The following SENP6 variants were observed in gnomAD, a reference collection of about 807,000 sequenced individuals.
The protein encoded by SENP6 is sentrin-specific protease 6.
SENP6 carries 41 observed loss-of-function variants against 134.5 expected under a neutral mutation model. That is an observed-to-expected ratio of 0.30 (90% confidence interval 0.24 to 0.40). SENP6 has a LOEUF of 0.40. SENP6 is among the 10% of genes least tolerant of loss of function. The pLI, the probability that SENP6 is intolerant of heterozygous loss-of-function variation, is 1.00. For missense variants in SENP6, 1,248 were observed against 1,312.5 expected (o/e 0.95, Z 0.76); for synonymous variants, 395 against 429.8 (o/e 0.92, Z 1.00).
chr6:75,667,935 G>A (rs907526363), intron 10 of SENP6, among the ~76,000 whole-genome samples: 3 of 152,138 alleles, frequency 2.0e-5, no homozygotes, highest in Non-Finnish European at 4.4e-5. Context: ...AAGGAAATAT[G>A]TGTATATTAC....
chr6:75,692,308 C>T (rs904668101), intron 16 of SENP6, among the ~76,000 whole-genome samples: 22 of 152,064 alleles, frequency 1.4e-4, no homozygotes, highest in African/African-American at 4.3e-4. Flanking sequence ...ATCAGAAAAA[C>T]GAAACTAGTT....
chr6:75,707,778 G>T lies in SENP6; in HGVS notation c.2717-1749G>T, dbSNP rs554507253. Among the ~76,000 whole-genome samples the T allele has an allele frequency of 1.4e-4, 21 of 152,162 alleles. No homozygotes were observed. The South Asian group carries it at 2.9e-3, about 21-fold the overall frequency. On this transcript the variant is annotated intron_variant, in intron 19 of 23. Coordinates refer to ENST00000447266, the MANE Select transcript of SENP6 (RefSeq NM_015571.4). ...GTTCACCGCAGTCTCAACCTCCCAG[G>T]CTCAAGTGATCCTCCCACCTCAGCT...
chr6:75,637,257 T>A (rs1453212085), intron 5 of SENP6, among the ~76,000 whole-genome samples: 3 of 152,180 alleles, frequency 2.0e-5, no homozygotes, highest in African/African-American at 7.2e-5. Context: ...GTGAGTGGTA[T>A]ATCTTGTCTT....
At chr6:75,660,512 G>A (rs145715623) in intron 8 of SENP6, among the ~76,000 whole-genome samples, 7 of 152,228 alleles carry the variant, frequency 4.6e-5, no homozygotes, top group African/African-American at 1.7e-4. Context: ...CAGATTCCAT[G>A]TGAGTCCCTT....
Position 75,633,569 on chromosome 6 carries a change from C to CT in SENP6, c.208-5dup, listed in dbSNP as rs1423360502. 4.4e-6 allele frequency: 7 copies of CT among 1,578,070 alleles called. No homozygotes were observed. The highest frequency in any genetic ancestry group is 2.3e-5 in the East Asian group (1 of 44,040). On this transcript the variant is annotated splice_polypyrimidine_tract_variant and intron_variant, in intron 3 of 23. Transcript: ENST00000447266. ...GCATTTTTGACTCATATTTCTGGAT[C>CT]TTTTTTTACAGTTAAATCGTCGATC... is the stretch of plus-strand genomic sequence containing the variant.
intron 3 of SENP6, among the ~76,000 whole-genome samples, chr6:75,630,860 TC>T (rs1769058763): frequency 1.3e-5 from 2 of 150,580 alleles, no homozygotes; most frequent in Admixed American, 1.3e-4. Context: ...AAAAAAAAAA[TC>T]CGTAACCTAT....
intron 10 of SENP6, among the ~76,000 whole-genome samples, chr6:75,668,066 A>T (rs931313783): frequency 6.6e-6 from 1 of 152,226 alleles, no homozygotes; most frequent in Non-Finnish European, 1.5e-5. Flanking sequence ...ATACTTGGTT[A>T]TTAAGATGGG....
At chr6:75,658,730 C>T (rs897864469) in intron 7 of SENP6, among the ~76,000 whole-genome samples, 2 of 151,774 alleles carry the variant, frequency 1.3e-5, no homozygotes, top group African/African-American at 4.8e-5. Context: ...AGATTTTTCT[C>T]ATTACTACTC....
Position 75,695,807 on chromosome 6 carries a change from C to T in SENP6, c.2079C>T (p.Tyr693=). The T allele has an allele frequency of 6.3e-7, 1 of 1,577,488 alleles. No homozygotes were observed. The highest frequency in any genetic ancestry group is 2.3e-5 in the East Asian group (1 of 44,418). ...TGAATTATTTTCTATCAAATAGATA[C>T]TTGGTGCTTGAAAAACTGAAGAAGG... The part of the protein sequence containing the change: ...NDVIIDFYLK[Y]LVLEKLKKED... Residue 693 remains tyrosine, a synonymous_variant, in exon 17 of 24, where the codon TAC becomes TAT. Coordinates refer to ENST00000447266, the MANE Select transcript of SENP6 (RefSeq NM_015571.4).
intron 9 of SENP6, among the ~76,000 whole-genome samples, chr6:75,664,617 T>C (rs932750122): frequency 6.6e-6 from 1 of 152,180 alleles, no homozygotes; most frequent in African/African-American, 2.4e-5. Context: ...TGTTAGGTTT[T>C]CTGCTAATAA....
intron 16 of SENP6, among the ~76,000 whole-genome samples, chr6:75,680,943 A>C (rs947821205): frequency 2.6e-5 from 4 of 152,220 alleles, no homozygotes; most frequent in Non-Finnish European, 5.9e-5. Flanking sequence ...GCCAGCAAAA[A>C]CAAAAACCAT....
At chr6:75,653,162 C>T (rs898076951) in intron 7 of SENP6, among the ~76,000 whole-genome samples, 2 of 152,192 alleles carry the variant, frequency 1.3e-5, no homozygotes, top group Non-Finnish European at 2.9e-5. Flanking sequence ...TCCCGAATAG[C>T]TGGGATTACA....
intron 19 of SENP6, among the ~76,000 whole-genome samples, chr6:75,708,428 T>C (rs1184533926): frequency 6.6e-6 from 1 of 151,476 alleles, no homozygotes; most frequent in African/African-American, 2.4e-5. Context: ...GAGAGGAAAA[T>C]AAATAAATAA....
At chr6:75,681,130 G>C (rs1024822128) in intron 16 of SENP6, among the ~76,000 whole-genome samples, 1 of 152,118 alleles carries the variant, frequency 6.6e-6, no homozygotes, top group African/African-American at 2.4e-5. Flanking sequence ...TTGTGTCCCC[G>C]CCCAAATCTC....
In SENP6 at chr6:75,663,497, T is replaced by C; in HGVS notation, c.973T>C (p.Leu325=). 6.2e-7 allele frequency: 1 copy of C among 1,610,730 alleles called. No homozygotes were observed. The highest frequency in any genetic ancestry group is 8.5e-7 in the Non-Finnish European group (1 of 1,179,562). The change falls in exon 9 of 24, where the codon TTG becomes CTG. Residue 325 remains leucine (L), a synonymous_variant. Transcript: ENST00000447266. ...AAACTTGAAAGAAAGGAAAACAAGT[T>C]TGTCAGACCTAAATGATCCAAGTAA... The part of the protein sequence containing the change: ...ITNLKERKTS[L]SDLNDPIILS...
intron 7 of SENP6, among the ~76,000 whole-genome samples, chr6:75,650,470 G>A (rs117618597): frequency 0.013 from 2,021 of 152,232 alleles, 19 homozygotes; most frequent in Middle Eastern, 0.034. Flanking sequence ...CTTAATGTTT[G>A]TCTAATGTTG....
At chr6:75,621,330 T>C (rs1312975636) in intron 1 of SENP6, among the ~76,000 whole-genome samples, 2 of 152,244 alleles carry the variant, frequency 1.3e-5, no homozygotes, top group Non-Finnish European at 2.9e-5. Flanking sequence ...AGCACATGTA[T>C]GGATGATTAT....
chr6:75,689,044 C>T (rs1000393929), intron 16 of SENP6, among the ~76,000 whole-genome samples: 1 of 152,090 alleles, frequency 6.6e-6, no homozygotes, highest in Non-Finnish European at 1.5e-5. Context: ...CCAGCCTGGG[C>T]AACAAGAGTG....
intron 1 of SENP6, among the ~76,000 whole-genome samples, chr6:75,604,424 G>T (rs1483041202): frequency 6.6e-6 from 1 of 152,186 alleles, no homozygotes; most frequent in African/African-American, 2.4e-5. Flanking sequence ...TTGAGGCCAG[G>T]AATTGGTGAC....
Sources: gnomAD v4.1 joint callset for allele counts (sites outside exome capture counted in the v4.1 genomes callset) on GRCh38, gnomAD v4.1.1 for gene constraint, MANE v1.5 for transcripts, NCBI Gene and HGNC (gene_info 2026-07-23, HGNC 2026-07-21) for gene names.